The following DNAJC6 variants were observed in gnomAD, a reference collection of about 807,000 sequenced individuals.
DNAJC6 encodes auxilin.
In DNAJC6, 34 loss-of-function variants were observed where a neutral mutation model predicts 110.0. The observed-to-expected ratio is 0.31, with a 90% confidence interval of 0.24 to 0.41. The LOEUF (loss-of-function observed/expected upper bound fraction) is 0.41. Among genes scored for constraint, DNAJC6 ranks in the 10% least tolerant of loss-of-function variants. The pLI, the probability that DNAJC6 is intolerant of heterozygous loss-of-function variation, is 1.00. For missense variants in DNAJC6, 1,031 were observed against 1,207.8 expected (o/e 0.85, Z 2.17); for synonymous variants, 406 against 437.2 (o/e 0.93, Z 0.89).
intron 1 of DNAJC6, among the ~76,000 whole-genome samples, chr1:65,276,763 G>T (rs1202866743): frequency 6.6e-6 from 1 of 152,148 alleles, no homozygotes; most frequent in Non-Finnish European, 1.5e-5. Flanking sequence ...CTCCTGTCAG[G>T]CTGTGAGTTA....
chr1:65,353,866 C>T (rs991526573), intron 1 of DNAJC6, among the ~76,000 whole-genome samples: 3 of 152,044 alleles, frequency 2.0e-5, no homozygotes, highest in African/African-American at 7.2e-5. Flanking sequence ...TTCTGAAAAG[C>T]TTGAGGAGAC....
chr1:65,408,231 A>G (rs1646095177), intron 16 of DNAJC6, among the ~76,000 whole-genome samples: 1 of 152,328 alleles, frequency 6.6e-6, no homozygotes, highest in East Asian at 1.9e-4. Flanking sequence ...GAGCAAAGTG[A>G]TTGACTAAAA....
At chr1:65,359,674 T>C (rs967395737) in intron 1 of DNAJC6, among the ~76,000 whole-genome samples, 13 of 152,218 alleles carry the variant, frequency 8.5e-5, no homozygotes. Flanking sequence ...AAGCTCTGCA[T>C]TCCTAAGAAC....
intron 1 of DNAJC6, among the ~76,000 whole-genome samples, chr1:65,358,849 A>T (rs375013337): frequency 6.6e-6 from 1 of 152,200 alleles, no homozygotes; most frequent in African/African-American, 2.4e-5. Context: ...AAGTTTTTGC[A>T]TACCATCCTT....
chr1:65,315,692 G>T (rs1205242522), intron 1 of DNAJC6, among the ~76,000 whole-genome samples: 1 of 152,138 alleles, frequency 6.6e-6, no homozygotes, highest in African/African-American at 2.4e-5. Flanking sequence ...ACCCTCATAA[G>T]AATCCTATAA....
rs1645191232 is a variant in DNAJC6, at chr1:65,320,819, T to G, written c.193+10881T>G. 2.0e-5 allele frequency among the ~76,000 whole-genome samples: 3 copies of G among 152,144 alleles called. No homozygotes were observed. The South Asian group carries it at 6.2e-4, about 31-fold the overall frequency. ...AGGATGGTAGTAGGATGGGGAGACC[T>G]ATCTTCCAGGGGCTGGTCAGGAAAG... On this transcript the variant is annotated intron_variant, in intron 1 of 18. Transcript: ENST00000371069.
intron 11 of DNAJC6, among the ~76,000 whole-genome samples, chr1:65,390,139 A>T (rs112699231): frequency 1.3e-5 from 2 of 152,208 alleles, no homozygotes; most frequent in African/African-American, 4.8e-5. Flanking sequence ...GCCATTTTAA[A>T]CTGAATTCTC....
At chr1:65,322,201 C>G (rs1645203296) in intron 1 of DNAJC6, among the ~76,000 whole-genome samples, 1 of 152,152 alleles carries the variant, frequency 6.6e-6, no homozygotes, top group Non-Finnish European at 1.5e-5. Flanking sequence ...AGCCAGGCCT[C>G]TTGGCTCTTA....
chr1:65,372,146 GGTGTGTGT>G lies in DNAJC6; in HGVS notation c.543+5985_543+5992del, dbSNP rs59816601. ...ACTCATTACAGATATTGACATTTGG[GGTGTGTGT>G]GTGTGTGTGTGTGTGTGTGTGTGTG... On this transcript the variant is annotated intron_variant, in intron 4 of 18. Transcript: ENST00000371069. Among the ~76,000 whole-genome samples, 65 of 141,062 alleles carry G rather than the reference GGTGTGTGT, an allele frequency of 4.6e-4. 1 individual carries two copies. The highest frequency in any genetic ancestry group is 8.3e-4 in the African/African-American group (32 of 38,616). The allele number at this position is 141,062 out of a possible 152,430, so 92.5% of individuals were successfully genotyped here.
chr1:65,284,251 C>T (rs1653942306), intron 1 of DNAJC6, among the ~76,000 whole-genome samples: 2 of 152,188 alleles, frequency 1.3e-5, no homozygotes, highest in Non-Finnish European at 2.9e-5. Flanking sequence ...GACCTTACCA[C>T]CTCTCAACAA....
intron 1 of DNAJC6, among the ~76,000 whole-genome samples, chr1:65,291,454 G>A (rs1275531400): frequency 6.6e-6 from 1 of 152,176 alleles, no homozygotes; most frequent in African/African-American, 2.4e-5. Flanking sequence ...TGAATCTATA[G>A]CATTCCTATT....
At chr1:65,293,872 C>T (rs1300439277) in intron 1 of DNAJC6, among the ~76,000 whole-genome samples, 1 of 152,126 alleles carries the variant, frequency 6.6e-6, no homozygotes, top group African/African-American at 2.4e-5. Flanking sequence ...AACTTATGTT[C>T]TATTAGTGTA....
intron 1 of DNAJC6, among the ~76,000 whole-genome samples, chr1:65,336,797 C>T (rs934608146): frequency 6.6e-6 from 1 of 152,200 alleles, no homozygotes; most frequent in African/African-American, 2.4e-5. Flanking sequence ...ACTGTCACAA[C>T]ATTCTCATCT....
At chr1:65,265,161 A>G (rs1489895468) in intron 1 of DNAJC6, among the ~76,000 whole-genome samples, 1 of 152,190 alleles carries the variant, frequency 6.6e-6, no homozygotes, top group Non-Finnish European at 1.5e-5. Flanking sequence ...ATAGTCCTAA[A>G]TATAACCCTA....
chr1:65,268,305 G>T (rs746972489), intron 1 of DNAJC6, among the ~76,000 whole-genome samples: 3 of 152,162 alleles, frequency 2.0e-5, no homozygotes, highest in Non-Finnish European at 4.4e-5. Context: ...AAGACATTGT[G>T]TAACATTGAT....
intron 1 of DNAJC6, among the ~76,000 whole-genome samples, chr1:65,347,615 A>G (rs995809249): frequency 1.3e-5 from 2 of 152,108 alleles, no homozygotes; most frequent in African/African-American, 2.4e-5. Context: ...GTTTATATTT[A>G]TATCTGAATG....
chr1:65,294,553 T>TA (rs547968677), intron 1 of DNAJC6, among the ~76,000 whole-genome samples: 110 of 152,342 alleles, frequency 7.2e-4, no homozygotes, highest in African/African-American at 2.6e-3. Flanking sequence ...TATAAGTGGC[T>TA]ATTGAGCATT....
At chr1:65,365,761 A>T (rs1419482445) in intron 2 of DNAJC6, 124 bp from the exon 3 acceptor site, 3 of 1,000,628 alleles carry the variant, frequency 3.0e-6, no homozygotes, top group African/African-American at 1.6e-5. Context: ...GAAGGGCTGG[A>T]GGGGAGTCGA....
chr1:65,375,485 G>A (rs1372162357), intron 4 of DNAJC6, among the ~76,000 whole-genome samples: 1 of 148,770 alleles, frequency 6.7e-6, no homozygotes, highest in African/African-American at 2.5e-5. Flanking sequence ...GAGTGCAGTT[G>A]TGCGATCTCG....
Sources: allele counts gnomAD v4.1 joint callset (sites outside exome capture counted in the v4.1 genomes callset), GRCh38; gene constraint gnomAD v4.1.1; transcripts MANE v1.5; gene names NCBI Gene and HGNC (gene_info 2026-07-23, HGNC 2026-07-21).